The following ZNF782 variants were observed in gnomAD, a reference collection of about 807,000 sequenced individuals.
ZNF782 encodes the protein zinc finger protein 782.
A neutral mutation model predicts 13.0 loss-of-function variants in ZNF782; 12 were observed. The observed-to-expected ratio is 0.92, with a 90% CI of 0.59 to 1.50. The LOEUF (loss-of-function observed/expected upper bound fraction) is 1.50. Ranked by LOEUF, ZNF782 falls within the 40% of genes most tolerant of loss-of-function variation. ZNF782 has a pLI of 0.00. For missense variants in ZNF782, 770 were observed against 822.9 expected, an observed-to-expected ratio of 0.94 and a Z score of 0.79; for synonymous variants, 284 against 283.0, an observed-to-expected ratio of 1.00 and a Z score of -0.04.
At chr9:96,899,039 C>A in the ZNF782 span, among the ~76,000 whole-genome samples, 1 of 149,036 alleles carries the variant, frequency 6.7e-6, no homozygotes, top group Non-Finnish European at 1.5e-5. Flanking sequence ...TCCCTGATAA[C>A]CACCATTCTA....
At chr9:96,912,449 G>A in the ZNF782 span, among the ~76,000 whole-genome samples, 4 of 150,102 alleles carry the variant, frequency 2.7e-5, no homozygotes, top group East Asian at 3.9e-4. Context: ...AGCCGAGATC[G>A]TGCCACTGCA....
At chr9:96,876,219 C>A (rs1285223800), upstream of ZNF782, among the ~76,000 whole-genome samples, 1 of 152,132 alleles carries the variant, frequency 6.6e-6, no homozygotes, top group African/African-American at 2.4e-5. Flanking sequence ...AAGAACATTG[C>A]CGTTATTCTT....
chr9:96,929,150 C>T, the ZNF782 span: 2 of 1,565,544 alleles, frequency 1.3e-6, no homozygotes, highest in South Asian at 2.2e-5. Context: ...GTTGAGGGAG[C>T]ACTGGATGTC....
At chr9:96,911,299 C>T in the ZNF782 span, among the ~76,000 whole-genome samples, 6 of 143,848 alleles carry the variant, frequency 4.2e-5, no homozygotes, top group African/African-American at 5.1e-5. Context: ...ATTAGCTGGG[C>T]GCGGTGGCGG....
At chr9:96,925,483 C>G in the ZNF782 span, among the ~76,000 whole-genome samples, 1 of 152,008 alleles carries the variant, frequency 6.6e-6, no homozygotes, top group Non-Finnish European at 1.5e-5. Flanking sequence ...ACCAAAAATA[C>G]AAAAATTAGC....
intron 1 of ZNF782, among the ~76,000 whole-genome samples, chr9:96,872,423 T>C (rs1057188204): frequency 9.9e-5 from 15 of 151,786 alleles, no homozygotes; most frequent in African/African-American, 3.1e-4. Context: ...CCCAGCTACT[T>C]TGGAGGCTGA....
chr9:96,895,074 C>T, the ZNF782 span: 1 of 152,064 alleles, frequency 6.6e-6, no homozygotes, highest in South Asian at 2.1e-4. Context: ...TGAGGGAGTT[C>T]CAATATTTTT....
chr9:96,818,414 T>G lies in ZNF782; in HGVS notation c.1609A>C (p.Asn537His). 1 of 1,613,794 alleles carries G rather than the reference T, an allele frequency of 6.2e-7. No homozygotes were observed. ...THTGEKPYKC[N>H]QCGKAFGQKS... ...TGACCGAAAGCTTTTCCACACTGAT[T>G]ACATTTGTAGGGCTTCTCCCCTGTG... The change falls in exon 6 of 6, where the codon AAT becomes CAT. Residue 537 changes from asparagine (N) to histidine (H), a missense_variant. By Grantham distance (68) the Asn-to-His change is moderately conservative. Coordinates refer to ENST00000481138, the MANE Select transcript of ZNF782 (RefSeq NM_001001662.3).
At position 96,818,399 on chromosome 9, in the gene ZNF782, C is replaced by G; in HGVS notation, c.1624G>C (p.Ala542Pro). Residue 542 changes from alanine to proline, a missense_variant, in exon 6 of 6, where the codon GCT becomes CCT. Coordinates refer to ENST00000481138, the MANE Select transcript of ZNF782 (RefSeq NM_001001662.3). ...CTGAGTTGTGATTTCTGACCGAAAG[C>G]TTTTCCACACTGATTACATTTGTAG... ...KPYKCNQCGKAFGQKSQLRGH... is the reference protein window; with the variant it reads ...KPYKCNQCGKPFGQKSQLRGH... 6.2e-7 allele frequency: 1 copy of G among 1,613,824 alleles called. No individual in the cohort carries two copies. Among genetic ancestry groups the G allele is most frequent in the East Asian group, 2.2e-5 (1 of 44,824 alleles).
the ZNF782 span, among the ~76,000 whole-genome samples, chr9:96,919,980 A>G: frequency 6.6e-6 from 1 of 151,588 alleles, no homozygotes; most frequent in African/African-American, 2.4e-5. Context: ...TTCATGGATA[A>G]TAGATTGCTG....
At chr9:96,884,769 T>C in the ZNF782 span, among the ~76,000 whole-genome samples, 6 of 152,136 alleles carry the variant, frequency 3.9e-5, no homozygotes, top group South Asian at 4.1e-4. Flanking sequence ...AGGAGTCTAT[T>C]AGGAAGCTGA....
At position 96,819,116 on chromosome 9, in the gene ZNF782, G is replaced by A. The variant is rs1373594962; in HGVS notation, c.907C>T (p.His303Tyr). Residue 303 changes from histidine to tyrosine, a missense_variant, in exon 6 of 6, where the codon CAT becomes TAT. By Grantham distance (83) the His-to-Tyr change is moderately conservative (BLOSUM62 2). Transcript: ENST00000481138. ...TTCACCCCTATATGAACTCTATGAT[G>A]TTCTCTAATGTGTGACTTTTGGCTG... ...SFSQKSHIRE[H>Y]HRVHIGVKPF... The A allele has an allele frequency of 6.2e-7, 1 of 1,613,958 alleles. No individual in the cohort carries two copies. Among genetic ancestry groups the A allele is most frequent in the East Asian group, 2.2e-5 (1 of 44,872 alleles).
At position 96,818,694 on chromosome 9, in the gene ZNF782, G is replaced by T. The variant is rs1182300696; in HGVS notation, c.1329C>A (p.Thr443=). Residue 443 remains threonine, a synonymous_variant, in exon 6 of 6, where the codon ACC becomes ACA. Transcript: ENST00000481138. ...ATTCGAATGGTTTCTCCCCTGTGTGGGTTCTCTGGTGTATTCTTAGGCCTG... is the reference window on the plus strand; with the variant it reads ...ATTCGAATGGTTTCTCCCCTGTGTGTGTTCTCTGGTGTATTCTTAGGCCTG... The part of the protein sequence containing the change: ...AKSGLRIHQR[T]HTGEKPFECH... 1.2e-6 allele frequency: 2 copies of T among 1,612,636 alleles called. No individual in the cohort carries two copies. The highest frequency in any genetic ancestry group is 1.7e-6 in the Non-Finnish European group (2 of 1,179,642).
intron 1 of ZNF782, among the ~76,000 whole-genome samples, chr9:96,865,530 T>C (rs1851746379): frequency 6.6e-6 from 1 of 152,234 alleles, no homozygotes. Context: ...CTTTCTTTTG[T>C]AAATTGACCA....
At chr9:96,911,499 G>GTTTTTTTTTTTTT in the ZNF782 span, among the ~76,000 whole-genome samples, 1 of 133,722 alleles carries the variant, frequency 7.5e-6, no homozygotes, top group East Asian at 2.5e-4. Context: ...TTTCTTACAA[G>GTTTTTTTTTTTTT]TTTTTTTTTT....
chr9:96,821,367 C>G (rs1850410368), intron 5 of ZNF782, among the ~76,000 whole-genome samples: 1 of 152,154 alleles, frequency 6.6e-6, no homozygotes, highest in Non-Finnish European at 1.5e-5. Context: ...AGCCTTAGAC[C>G]TATGTAGACT....
chr9:96,826,769 T>C (rs1373213214), intron 5 of ZNF782, among the ~76,000 whole-genome samples: 6 of 152,128 alleles, frequency 3.9e-5, no homozygotes, highest in Non-Finnish European at 7.3e-5. Context: ...TTTTGGCAGA[T>C]GCTAGACAGA....
chr9:96,884,853 T>C, the ZNF782 span, among the ~76,000 whole-genome samples: 6 of 152,036 alleles, frequency 3.9e-5, no homozygotes, highest in Non-Finnish European at 8.8e-5. Flanking sequence ...TCTCATAATA[T>C]AGAAAATATC....
At chr9:96,872,414 C>T (rs1854216) in intron 1 of ZNF782, among the ~76,000 whole-genome samples, 34,985 of 151,800 alleles carry the variant, frequency 0.23, 5,309 homozygotes, top group Non-Finnish European at 0.34. Flanking sequence ...ACCTGTAATC[C>T]CAGCTACTTT....
Sources: gnomAD v4.1 joint callset for allele counts (sites outside exome capture counted in the v4.1 genomes callset) on GRCh38, gnomAD v4.1.1 for gene constraint, MANE v1.5 for transcripts, NCBI Gene and HGNC (gene_info 2026-07-23, HGNC 2026-07-21) for gene names.